GPC5: variants seen among roughly 807,000 people sequenced by gnomAD.
GPC5 encodes glypican 5.
Under a neutral mutation model 53.9 loss-of-function variants are expected in GPC5, and 47 were observed. The ratio of observed to expected loss-of-function variants is 0.87; its 90% CI spans 0.69 to 1.11. GPC5 has a LOEUF of 1.11. Among genes scored for constraint, GPC5 ranks in the 50% most tolerant of loss-of-function variants. GPC5 has a pLI of 0.00. For synonymous variants in GPC5, 286 were observed against 263.3 expected, an observed-to-expected ratio of 1.09 and a Z score of -0.84; for missense variants, 748 against 713.1, an observed-to-expected ratio of 1.05 and a Z score of -0.56.
chr13:91,679,384 A>G (rs1026214396), intron 2 of GPC5, among the ~76,000 whole-genome samples: 5 of 152,182 alleles, frequency 3.3e-5, no homozygotes, highest in African/African-American at 4.8e-5. Flanking sequence ...CTGAAACAAT[A>G]GAGGGAAATA....
Position 92,366,669 on chromosome 13 carries a change from C to T in GPC5, c.1561+221680C>T, listed in dbSNP as rs140129731. ...CTAAGGCCACGAGCATTTACAGCTA[C>T]GGCTGTTCCATTAAATATTTGTCAG... On this transcript the variant is annotated intron_variant, in intron 7 of 7. Transcript: ENST00000377067. 2.9e-4 allele frequency among the ~76,000 whole-genome samples: 44 copies of T among 152,292 alleles called. 1 individual carries two copies. The East Asian group carries it at 5.2e-3, about 18-fold the overall frequency.
intron 5 of GPC5, among the ~76,000 whole-genome samples, chr13:91,796,545 A>G (rs545959292): frequency 3.9e-5 from 6 of 152,244 alleles, no homozygotes; most frequent in African/African-American, 7.2e-5. Context: ...CAGGCAATAG[A>G]TGATTTGACT....
intron 7 of GPC5, among the ~76,000 whole-genome samples, chr13:92,314,483 A>G (rs1426665846): frequency 2.0e-5 from 3 of 152,162 alleles, no homozygotes; most frequent in African/African-American, 7.2e-5. Context: ...AAGAGTATTT[A>G]TTCATCGTAT....
chr13:91,497,777 A>C (rs894706371), intron 2 of GPC5, among the ~76,000 whole-genome samples: 4 of 152,178 alleles, frequency 2.6e-5, no homozygotes, highest in Non-Finnish European at 5.9e-5. Context: ...TTATTGTGGA[A>C]ATGAAAACAA....
Position 91,555,882 on chromosome 13 carries a change from C to T in GPC5, c.325+106960C>T, listed in dbSNP as rs151332652. Among the ~76,000 whole-genome samples, 14 of 152,056 alleles carry T rather than the reference C, an allele frequency of 9.2e-5. No homozygotes were observed. The East Asian group carries it at 9.7e-4, about 11-fold the overall frequency. On this transcript the variant is annotated intron_variant, in intron 2 of 7. Coordinates refer to ENST00000377067, the MANE Select transcript of GPC5 (RefSeq NM_004466.6). ...ACCATGAGACCAGTATGGGGGAAAC[C>T]GCCCCCGTGATTCAATTATCTTCCA... is the stretch of plus-strand genomic sequence containing the variant.
At chr13:92,480,015 G>A (rs1208582597) in intron 7 of GPC5, among the ~76,000 whole-genome samples, 1 of 152,154 alleles carries the variant, frequency 6.6e-6, no homozygotes, top group Non-Finnish European at 1.5e-5. Context: ...GGCCAGGCAT[G>A]CTGGTTCATG....
chr13:92,077,010 G>T (rs1594754412), intron 6 of GPC5, among the ~76,000 whole-genome samples: 1 of 152,212 alleles, frequency 6.6e-6, no homozygotes, highest in East Asian at 1.9e-4. Context: ...CCTTTCCTTT[G>T]ATCCCAGGTC....
At chr13:92,488,199 T>G (rs768371731) in intron 7 of GPC5, among the ~76,000 whole-genome samples, 13 of 152,082 alleles carry the variant, frequency 8.5e-5, no homozygotes, top group Non-Finnish European at 1.5e-4. Context: ...TGAAAACCCA[T>G]TTTTTTCTAA....
At chr13:91,695,634 C>T in intron 3 of GPC5, among the ~76,000 whole-genome samples, 1 of 152,088 alleles carries the variant, frequency 6.6e-6, no homozygotes, top group East Asian at 1.9e-4. Flanking sequence ...CTCGGCCTCC[C>T]AAAGTGCTGG....
chr13:92,787,644 G>T (rs1196480001), intron 7 of GPC5, among the ~76,000 whole-genome samples: 1 of 126,406 alleles, frequency 7.9e-6, no homozygotes, highest in African/African-American at 3.3e-5. Context: ...ACCAGTCTGG[G>T]CAACAGAGAG....
intron 7 of GPC5, among the ~76,000 whole-genome samples, chr13:92,376,104 A>G (rs2043691759): frequency 1.3e-5 from 2 of 152,210 alleles, no homozygotes; most frequent in South Asian, 4.1e-4. Context: ...TACCCATTTG[A>G]AATCATCTGG....
chr13:92,501,415 T>C (rs1880179112), intron 7 of GPC5, among the ~76,000 whole-genome samples: 1 of 151,976 alleles, frequency 6.6e-6, no homozygotes, highest in Admixed American at 6.6e-5. Context: ...AGAACCAAAA[T>C]TGAAAAACAT....
At chr13:91,873,133 T>C (rs1475519479) in intron 5 of GPC5, among the ~76,000 whole-genome samples, 1 of 152,338 alleles carries the variant, frequency 6.6e-6, no homozygotes, top group East Asian at 1.9e-4. Flanking sequence ...GCAATTGCCA[T>C]AGAAAATCTA....
intron 7 of GPC5, among the ~76,000 whole-genome samples, chr13:92,156,018 A>C (rs1593939886): frequency 1.3e-5 from 2 of 152,258 alleles, no homozygotes; most frequent in Non-Finnish European, 2.9e-5. Flanking sequence ...AATTCCCTTC[A>C]TTTTTAGAAT....
chr13:91,527,877 G>C (rs923394260), intron 2 of GPC5, among the ~76,000 whole-genome samples: 1 of 152,174 alleles, frequency 6.6e-6, no homozygotes, highest in African/African-American at 2.4e-5. Context: ...GCCATATGAT[G>C]GCCCCTTTTA....
At chr13:92,430,380 C>A (rs1877031863) in intron 7 of GPC5, among the ~76,000 whole-genome samples, 1 of 152,066 alleles carries the variant, frequency 6.6e-6, no homozygotes, top group South Asian at 2.1e-4. Flanking sequence ...GTATTCCTTG[C>A]AGTATTGGAG....
At chr13:91,577,518 CCT>C (rs2032182468) in intron 2 of GPC5, among the ~76,000 whole-genome samples, 1 of 152,156 alleles carries the variant, frequency 6.6e-6, no homozygotes, top group Non-Finnish European at 1.5e-5. Context: ...TGCTACCTTC[CCT>C]GACTGTTGTT....
intron 7 of GPC5, among the ~76,000 whole-genome samples, chr13:92,487,436 A>G (rs1229581981): frequency 2.0e-5 from 3 of 152,168 alleles, no homozygotes; most frequent in African/African-American, 4.8e-5. Flanking sequence ...CATTGTCATG[A>G]TTCACCAAAG....
intron 7 of GPC5, among the ~76,000 whole-genome samples, chr13:92,834,478 T>C (rs1878157919): frequency 2.6e-5 from 4 of 152,196 alleles, no homozygotes; most frequent in Admixed American, 2.0e-4. Context: ...AACATGTATC[T>C]AGATAGAAAT....
Sources: gnomAD v4.1 joint callset for allele counts (sites outside exome capture counted in the v4.1 genomes callset) on GRCh38, gnomAD v4.1.1 for gene constraint, MANE v1.5 for transcripts, NCBI Gene and HGNC (gene_info 2026-07-23, HGNC 2026-07-21) for gene names.